The following PTN variants were observed in gnomAD, a reference collection of about 807,000 sequenced individuals.
PTN encodes pleiotrophin.
Under a neutral mutation model 24.1 loss-of-function variants are expected in PTN, and 18 were observed. That is an observed-to-expected ratio of 0.75 (90% confidence interval 0.52 to 1.11). PTN has a LOEUF of 1.11. PTN is among the 50% of genes least tolerant of loss of function. The pLI, the probability that PTN is intolerant of heterozygous loss-of-function variation, is 0.00. For synonymous variants in PTN, 78 were observed against 68.6 expected, an observed-to-expected ratio of 1.14 and a Z score of -0.67; for missense variants, 163 against 198.8, an observed-to-expected ratio of 0.82 and a Z score of 1.08.
At chr7:137,260,444 T>A (rs1181980285) in intron 1 of PTN, among the ~76,000 whole-genome samples, 2 of 152,142 alleles carry the variant, frequency 1.3e-5, no homozygotes, top group Non-Finnish European at 2.9e-5. Context: ...GTAACTCATA[T>A]AGTAATTATT....
chr7:137,251,106 G>A (rs1323690089), intron 4 of PTN, 124 bp downstream of exon 4: 14 of 1,133,954 alleles, frequency 1.2e-5, no homozygotes, highest in Middle Eastern at 2.6e-4. Flanking sequence ...TCAGTGTAGG[G>A]GAGTTTTTCA....
intron 1 of PTN, among the ~76,000 whole-genome samples, chr7:137,298,906 G>T (rs1809761445): frequency 1.3e-5 from 2 of 151,976 alleles, no homozygotes; most frequent in South Asian, 4.1e-4. Flanking sequence ...CCAAGCCGGG[G>T]CTAGACTCAT....
intron 1 of PTN, among the ~76,000 whole-genome samples, chr7:137,323,230 A>G (rs138837704): frequency 6.6e-6 from 1 of 152,344 alleles, no homozygotes; most frequent in Non-Finnish European, 1.5e-5. Context: ...ATTCACAGTG[A>G]CCAATTACAG....
At position 137,312,603 on chromosome 7, in the gene PTN, C is replaced by G. The variant is rs1049360715; in HGVS notation, c.-2+30836G>C. Among the ~76,000 whole-genome samples the G allele has an allele frequency of 3.3e-5, 5 of 152,152 alleles. No homozygotes were observed. The South Asian group carries it at 1.0e-3, about 32-fold the overall frequency. On this transcript the variant is annotated intron_variant, in intron 1 of 4. Coordinates refer to ENST00000348225, the MANE Select transcript of PTN (RefSeq NM_002825.7). ...ATTTTTTTTCTTTACCATTCCTCCA[C>G]CCCTCTCTCATATTTATTGAAAAAT...
chr7:137,246,771 C>A (rs1255598877), intron 4 of PTN, among the ~76,000 whole-genome samples: 1 of 152,132 alleles, frequency 6.6e-6, no homozygotes, highest in African/African-American at 2.4e-5. Flanking sequence ...ATGTGACCAG[C>A]GTTGCATGGG....
intron 1 of PTN, among the ~76,000 whole-genome samples, chr7:137,310,390 G>GTTTTTTTTTTTTGTT (rs1809960029): frequency 7.3e-6 from 1 of 137,204 alleles, no homozygotes; most frequent in Non-Finnish European, 1.6e-5. Context: ...AAGTTACCAT[G>GTTTTTTTTTTTTGTT]TTTTTTTTTT....
At chr7:137,328,869 G>A (rs908265091) in intron 1 of PTN, among the ~76,000 whole-genome samples, 3 of 152,178 alleles carry the variant, frequency 2.0e-5, no homozygotes, top group Admixed American at 2.0e-4. Context: ...TAAGGAGGTA[G>A]AAATAAGTGA....
At chr7:137,309,143 A>C (rs1809937662) in intron 1 of PTN, among the ~76,000 whole-genome samples, 1 of 152,206 alleles carries the variant, frequency 6.6e-6, no homozygotes, top group Non-Finnish European at 1.5e-5. Flanking sequence ...AGACCACTGC[A>C]ATTAAAGTGA....
At chr7:137,340,088 A>T (rs1810510488) in intron 1 of PTN, among the ~76,000 whole-genome samples, 1 of 152,168 alleles carries the variant, frequency 6.6e-6, no homozygotes, top group Non-Finnish European at 1.5e-5. Context: ...CTTTATCTCA[A>T]CCCACTCTGA....
At chr7:137,319,296 T>C (rs889831912) in intron 1 of PTN, among the ~76,000 whole-genome samples, 1 of 152,184 alleles carries the variant, frequency 6.6e-6, no homozygotes, top group Admixed American at 6.5e-5. Context: ...GTCATAAAGA[T>C]AGAGCATTTA....
At chr7:137,277,863 C>T (rs192591433) in intron 1 of PTN, among the ~76,000 whole-genome samples, 133 of 146,024 alleles carry the variant, frequency 9.1e-4, no homozygotes, top group Middle Eastern at 3.5e-3. Context: ...AGCCACCATG[C>T]CCAGCCAAAA....
chr7:137,251,175 A>G (rs1808819274), intron 4 of PTN, 55 bp downstream of exon 4: 2 of 1,582,096 alleles, frequency 1.3e-6, no homozygotes, highest in African/African-American at 1.3e-5. Context: ...GGTTTTCCAG[A>G]TCTTACCTGA....
chr7:137,247,827 C>T (rs1808750267), intron 4 of PTN, among the ~76,000 whole-genome samples: 2 of 152,126 alleles, frequency 1.3e-5, no homozygotes, highest in Non-Finnish European at 2.9e-5. Flanking sequence ...CAACATTCAC[C>T]TTCTCCTATT....
At chr7:137,327,065 C>T (rs558564345) in intron 1 of PTN, 12 of 152,228 alleles carry the variant, frequency 7.9e-5, no homozygotes, top group African/African-American at 2.6e-4. Flanking sequence ...ACGGACGTGA[C>T]GGTATTTAAG....
intron 1 of PTN, among the ~76,000 whole-genome samples, chr7:137,276,192 G>A (rs1365638862): frequency 6.6e-6 from 1 of 152,158 alleles, no homozygotes; most frequent in East Asian, 1.9e-4. Context: ...TGGGAAGTGA[G>A]AATTTTGAAG....
At chr7:137,331,284 A>G (rs1484036749) in intron 1 of PTN, among the ~76,000 whole-genome samples, 3 of 152,164 alleles carry the variant, frequency 2.0e-5, no homozygotes, top group African/African-American at 7.2e-5. Context: ...TGCTTCTCCA[A>G]ATCAAATTCA....
intron 1 of PTN, among the ~76,000 whole-genome samples, chr7:137,281,023 A>G (rs1408977635): frequency 6.6e-6 from 1 of 152,212 alleles, no homozygotes; most frequent in African/African-American, 2.4e-5. Context: ...TGTGAAGTTA[A>G]AATATCACAT....
At chr7:137,287,176 C>A (rs1809569809) in intron 1 of PTN, among the ~76,000 whole-genome samples, 2 of 152,180 alleles carry the variant, frequency 1.3e-5, no homozygotes, top group African/African-American at 4.8e-5. Context: ...CTTGTTCCCC[C>A]AGATGATGTG....
At chr7:137,256,140 T>G (rs986185828) in intron 1 of PTN, among the ~76,000 whole-genome samples, 1 of 152,224 alleles carries the variant, frequency 6.6e-6, no homozygotes, top group African/African-American at 2.4e-5. Context: ...ATTTTTCTCC[T>G]TTTCTGTGGC....
Sources: allele counts gnomAD v4.1 joint callset (sites outside exome capture counted in the v4.1 genomes callset), GRCh38; gene constraint gnomAD v4.1.1; transcripts MANE v1.5; gene names NCBI Gene and HGNC (gene_info 2026-07-23, HGNC 2026-07-21).